The following OR51B5 variants were observed in gnomAD, a reference collection of about 807,000 sequenced individuals.
OR51B5 encodes the protein olfactory receptor 51B5.
For missense variants in OR51B5, 456 were observed against 374.6 expected (o/e 1.22, Z -1.79); for synonymous variants, 186 against 144.8 (o/e 1.28, Z -2.04).
chr11:5,483,865 G>A (rs771715478), intron 1 of OR51B5, among the ~76,000 whole-genome samples: 2 of 152,092 alleles, frequency 1.3e-5, no homozygotes, highest in Non-Finnish European at 2.9e-5. Flanking sequence ...GAAGACATTA[G>A]CCCAGAAAAC....
At chr11:5,424,808 C>T (rs1348087611) in intron 1 of OR51B5, among the ~76,000 whole-genome samples, 2 of 108,732 alleles carry the variant, frequency 1.8e-5, no homozygotes, top group African/African-American at 6.4e-5. Context: ...GGTGAAACCC[C>T]ATCTCTACTA....
At chr11:5,343,798 A>C (rs1408421887), upstream of OR51B5, among the ~76,000 whole-genome samples, 1 of 152,128 alleles carries the variant, frequency 6.6e-6, no homozygotes, top group African/African-American at 2.4e-5. Context: ...TTCTCTTCAG[A>C]AAAAAAATTA....
At chr11:5,475,112 G>C (rs1209938618) in intron 1 of OR51B5, among the ~76,000 whole-genome samples, 1 of 152,130 alleles carries the variant, frequency 6.6e-6, no homozygotes, top group Non-Finnish European at 1.5e-5. Flanking sequence ...CAGTCCTACA[G>C]TCACTCTCTA....
At chr11:5,465,139 G>A (rs1375889837) in intron 1 of OR51B5, among the ~76,000 whole-genome samples, 2 of 141,108 alleles carry the variant, frequency 1.4e-5, no homozygotes, top group East Asian at 2.1e-4. Flanking sequence ...CCGGGAGGCG[G>A]AGCTTGCAGT....
intron 1 of OR51B5, among the ~76,000 whole-genome samples, chr11:5,490,315 T>C (rs1279107150): frequency 6.6e-6 from 1 of 152,214 alleles, no homozygotes; most frequent in Non-Finnish European, 1.5e-5. Flanking sequence ...TAAACGTTAC[T>C]AGTAAAGACA....
intron 1 of OR51B5, among the ~76,000 whole-genome samples, chr11:5,365,537 G>A (rs544621417): frequency 6.6e-6 from 1 of 152,178 alleles, no homozygotes; most frequent in East Asian, 1.9e-4. Context: ...GTACTACCTC[G>A]AAGTTTTTTC....
chr11:5,371,654 C>T (rs4910776), intron 1 of OR51B5, among the ~76,000 whole-genome samples: 35,989 of 151,858 alleles, frequency 0.24, 4,493 homozygotes, highest in Non-Finnish European at 0.26. Context: ...TAAGCTTGTT[C>T]AAAAAATATA....
chr11:5,371,215 G>A lies in OR51B5; in HGVS notation n.85-24305C>T, dbSNP rs577332609. On this transcript the variant is annotated intron_variant and non_coding_transcript_variant, in intron 1 of 4. Coordinates refer to the OR51B5 transcript ENST00000415970. ...TTCTAGAAAGTCCATAGCACATTCT[G>A]ATGTTTATACTCTAAGCCACACAGC... 1.1e-4 allele frequency among the ~76,000 whole-genome samples: 17 copies of A among 152,250 alleles called. No homozygotes were observed. In the East Asian group the frequency reaches 2.3e-3, roughly 21 times the overall value.
chr11:5,388,700 A>G (rs1404282651), intron 1 of OR51B5, among the ~76,000 whole-genome samples: 1 of 151,574 alleles, frequency 6.6e-6, no homozygotes, highest in Non-Finnish European at 1.5e-5. Flanking sequence ...TTCATTAAAA[A>G]CTTGTTTATG....
intron 1 of OR51B5, among the ~76,000 whole-genome samples, chr11:5,447,722 T>C (rs1163409274): frequency 6.6e-6 from 1 of 152,052 alleles, no homozygotes; most frequent in African/African-American, 2.4e-5. Flanking sequence ...AAGAAGGAAC[T>C]TGTACCCTAC....
chr11:5,366,099 T>C (rs965099171), intron 1 of OR51B5, among the ~76,000 whole-genome samples: 2 of 152,190 alleles, frequency 1.3e-5, no homozygotes, highest in African/African-American at 4.8e-5. Flanking sequence ...GTATGCTTAC[T>C]TGTCCAGTTG....
At chr11:5,348,826 C>T (rs923956147) in intron 1 of OR51B5, among the ~76,000 whole-genome samples, 2 of 152,004 alleles carry the variant, frequency 1.3e-5, no homozygotes, top group African/African-American at 4.8e-5. Flanking sequence ...TCCTTCAATC[C>T]AATCAAGTTT....
At chr11:5,370,852 C>T (rs1006485154) in intron 1 of OR51B5, among the ~76,000 whole-genome samples, 4 of 152,050 alleles carry the variant, frequency 2.6e-5, no homozygotes, top group Middle Eastern at 3.2e-3. Flanking sequence ...GTGACAAATG[C>T]GGGTTCTGAG....
chr11:5,375,922 G>C (rs1377930577), intron 1 of OR51B5, among the ~76,000 whole-genome samples: 1 of 151,938 alleles, frequency 6.6e-6, no homozygotes, highest in Non-Finnish European at 1.5e-5. Flanking sequence ...AGTTAACAAG[G>C]ATATCCAGGA....
intron 1 of OR51B5, among the ~76,000 whole-genome samples, chr11:5,364,289 T>G (rs1849332766): frequency 6.6e-6 from 1 of 152,188 alleles, no homozygotes. Context: ...CCCTCGACCT[T>G]GACCACCAAT....
At chr11:5,381,153 C>T (rs568256975) in intron 1 of OR51B5, among the ~76,000 whole-genome samples, 4 of 67,576 alleles carry the variant, frequency 5.9e-5, no homozygotes, top group South Asian at 5.9e-4. Context: ...GTCGCTCGCT[C>T]GCTGTTTCTC....
intron 1 of OR51B5, among the ~76,000 whole-genome samples, chr11:5,398,204 A>G (rs1392130246): frequency 7.7e-6 from 1 of 130,232 alleles, no homozygotes; most frequent in Admixed American, 7.6e-5. Flanking sequence ...AAGTATAACA[A>G]AAAATAAGTT....
At chr11:5,354,349 T>C (rs1472753593) in intron 1 of OR51B5, among the ~76,000 whole-genome samples, 1 of 152,192 alleles carries the variant, frequency 6.6e-6, no homozygotes, top group East Asian at 1.9e-4. Context: ...AGTATAAAGA[T>C]AACTAGGATA....
intron 1 of OR51B5, among the ~76,000 whole-genome samples, chr11:5,465,052 GA>G (rs1851116767): frequency 1.3e-5 from 2 of 151,716 alleles, no homozygotes; most frequent in Non-Finnish European, 2.9e-5. Context: ...TAAAAATACA[GA>G]AAATTGTCCG....
Sources: allele counts gnomAD v4.1 joint callset (sites outside exome capture counted in the v4.1 genomes callset), GRCh38; gene constraint gnomAD v4.1.1; transcripts MANE v1.5; gene names NCBI Gene and HGNC (gene_info 2026-07-23, HGNC 2026-07-21).